The following CES5A variants were observed in gnomAD, a reference collection of about 807,000 sequenced individuals.
CES5A encodes the protein carboxylesterase 5A, also known as carboxylesterase 5.
Under a neutral mutation model 62.9 loss-of-function variants are expected in CES5A, and 67 were observed. The ratio of observed to expected loss-of-function variants is 1.07; its 90% confidence interval spans 0.88 to 1.31. The LOEUF (loss-of-function observed/expected upper bound fraction) is 1.31, where lower values mean the gene tolerates loss of function less well. Ranked by LOEUF, CES5A falls within the 50% of genes most tolerant of loss-of-function variation. The pLI is 0.00. For synonymous variants in CES5A, 296 were observed against 280.8 expected, an observed-to-expected ratio of 1.05 and a Z score of -0.54; for missense variants, 748 against 708.5, an observed-to-expected ratio of 1.06 and a Z score of -0.63.
chr16:55,861,561 A>C, intron 6 of CES5A, 45 bp from the exon 7 acceptor site: 1 of 1,389,262 alleles, frequency 7.2e-7, no homozygotes, highest in Non-Finnish European at 1.0e-6. Flanking sequence ...TATTGAAAGC[A>C]TCTAGGAAAA....
intron 2 of CES5A, 136 bp downstream of exon 2, chr16:55,873,697 C>T (rs1451060552): frequency 1.4e-5 from 11 of 778,112 alleles, no homozygotes; most frequent in South Asian, 3.6e-5. Context: ...CCAAACCACT[C>T]GCCCGAGTCT....
At chr16:55,854,053 C>A (rs764312298) in intron 9 of CES5A, among the ~76,000 whole-genome samples, 3 of 152,132 alleles carry the variant, frequency 2.0e-5, no homozygotes, top group Non-Finnish European at 2.9e-5. Flanking sequence ...AAGGGCCTGG[C>A]CTCTTTGGCC....
At chr16:55,914,429 G>T (rs569913112) in intron 1 of CES5A, among the ~76,000 whole-genome samples, 4 of 152,120 alleles carry the variant, frequency 2.6e-5, no homozygotes. Context: ...GTCTCCCCAC[G>T]GTCTGGTAGT....
At chr16:55,869,779 C>A in intron 3 of CES5A, 35 bp from the exon 4 acceptor site, 2 of 1,571,818 alleles carry the variant, frequency 1.3e-6, no homozygotes. Context: ...GTCAGCCCAC[C>A]AGGCACCACC....
Position 55,864,862 on chromosome 16 carries a change from C to T in CES5A, c.705+1101G>A, listed in dbSNP as rs114733747. The stretch of plus-strand genomic sequence containing the variant: ...AGTTTGGGCTGCAATGAACTATGAT[C>T]GCCCCACTGCTTGCCAGCCTGGGCA... On this transcript the variant is annotated intron_variant, in intron 5 of 12. Coordinates refer to ENST00000290567, the MANE Select transcript of CES5A (RefSeq NM_001143685.2). Among the ~76,000 whole-genome samples, 367 of 150,502 alleles carry T rather than the reference C, an allele frequency of 2.4e-3. 1 individual carries two copies. In the South Asian group the frequency reaches 0.025, roughly 10 times the overall value.
At chr16:55,944,782 C>T (rs934944701) in intron 2 of CES5A, among the ~76,000 whole-genome samples, 10 of 152,324 alleles carry the variant, frequency 6.6e-5, no homozygotes, top group East Asian at 3.9e-4. Context: ...TCTCCAGATA[C>T]CCCACCCTCA....
intron 11 of CES5A, among the ~76,000 whole-genome samples, chr16:55,848,280 GTTATTA>G (rs1276220032): frequency 1.3e-5 from 2 of 151,200 alleles, no homozygotes; most frequent in Non-Finnish European, 2.9e-5. Flanking sequence ...AATTTTGTTT[GTTATTA>G]TTATTATTAT....
intron 1 of CES5A, among the ~76,000 whole-genome samples, chr16:55,924,288 GAA>G (rs1357436267): frequency 3.3e-5 from 5 of 151,736 alleles, no homozygotes; most frequent in African/African-American, 1.2e-4. Flanking sequence ...CAAACAATAT[GAA>G]AAAGAGATCA....
chr16:55,906,443 C>T (rs2034040699), intron 1 of CES5A, among the ~76,000 whole-genome samples: 1 of 152,190 alleles, frequency 6.6e-6, no homozygotes, highest in Non-Finnish European at 1.5e-5. Flanking sequence ...AGAAAGATGT[C>T]TCCATTCAGT....
chr16:55,877,333 T>C (rs530804832), upstream of CES5A, among the ~76,000 whole-genome samples: 16 of 152,298 alleles, frequency 1.1e-4, no homozygotes, highest in African/African-American at 3.9e-4. Flanking sequence ...TAGATGTAAT[T>C]GTCTATCATT....
chr16:55,846,901 C>T, intron 11 of CES5A, 61 bp from the exon 12 acceptor site: 3 of 1,400,432 alleles, frequency 2.1e-6, no homozygotes, highest in East Asian at 2.3e-5. Flanking sequence ...CCCCGGGTGC[C>T]TTGTATTTGA....
intron 2 of CES5A, among the ~76,000 whole-genome samples, chr16:55,947,093 C>T (rs1348816202): frequency 6.6e-6 from 1 of 152,210 alleles, no homozygotes; most frequent in East Asian, 1.9e-4. Flanking sequence ...GGGCCACTCC[C>T]TGCAGGTGGG....
At chr16:55,905,924 G>A (rs1597143936) in intron 1 of CES5A, among the ~76,000 whole-genome samples, 1 of 152,258 alleles carries the variant, frequency 6.6e-6, no homozygotes, top group African/African-American at 2.4e-5. Context: ...GGACACTTTA[G>A]ACAAGCCATG....
At chr16:55,923,068 C>T (rs556317459) in intron 1 of CES5A, among the ~76,000 whole-genome samples, 5 of 151,150 alleles carry the variant, frequency 3.3e-5, no homozygotes, top group African/African-American at 1.2e-4. Context: ...TAGCAGTAAA[C>T]ACTTATATTT....
chr16:55,933,336 A>G (rs1270482435), intron 2 of CES5A, among the ~76,000 whole-genome samples: 1 of 152,222 alleles, frequency 6.6e-6, no homozygotes, highest in Admixed American at 6.5e-5. Flanking sequence ...CTTACTCAAG[A>G]TACCCTTTCG....
chr16:55,939,925 T>C (rs367937781), intron 2 of CES5A, among the ~76,000 whole-genome samples: 1 of 151,866 alleles, frequency 6.6e-6, no homozygotes, highest in South Asian at 2.1e-4. Flanking sequence ...AAATAATTCA[T>C]AGGTCAAAAA....
chr16:55,930,084 T>C (rs1480491284), upstream of CES5A, among the ~76,000 whole-genome samples: 3 of 152,236 alleles, frequency 2.0e-5, no homozygotes, highest in South Asian at 4.1e-4. Context: ...AATGGTCAGA[T>C]GGAACACACC....
chr16:55,933,345 C>T (rs374273096), intron 2 of CES5A, among the ~76,000 whole-genome samples: 3 of 152,104 alleles, frequency 2.0e-5, no homozygotes, highest in Non-Finnish European at 2.9e-5. Context: ...GATACCCTTT[C>T]GAGGTAGAAG....
chr16:55,849,267 T>C (rs2033079268), intron 11 of CES5A, among the ~76,000 whole-genome samples: 1 of 151,988 alleles, frequency 6.6e-6, no homozygotes, highest in South Asian at 2.1e-4. Context: ...AAGCCTCAGG[T>C]TGTGGCCTCA....
Sources: allele counts gnomAD v4.1 joint callset (sites outside exome capture counted in the v4.1 genomes callset), GRCh38; gene constraint gnomAD v4.1.1; transcripts MANE v1.5; gene names NCBI Gene and HGNC (gene_info 2026-07-23, HGNC 2026-07-21).